Variants in TMEM200A observed in about 807,000 individuals in gnomAD.
TMEM200A encodes the protein two transmembrane C.
A neutral mutation model predicts 24.3 loss-of-function variants in TMEM200A; 12 were observed. The observed-to-expected ratio is 0.49, with a 90% CI of 0.32 to 0.80. TMEM200A has a LOEUF of 0.80. Among genes scored for constraint, TMEM200A ranks in the 30% least tolerant of loss-of-function variants. The probability of loss-of-function intolerance (pLI) is 0.04; values close to 1 mark genes in which losing one functional copy is unlikely to be tolerated. For missense variants in TMEM200A, 545 were observed against 614.4 expected, an observed-to-expected ratio of 0.89 and a Z score of 1.19; for synonymous variants, 224 against 224.4, an observed-to-expected ratio of 1.00 and a Z score of 0.02.
At chr6:130,367,201 A>G (rs1222086907) in intron 1 of TMEM200A, among the ~76,000 whole-genome samples, 1 of 152,192 alleles carries the variant, frequency 6.6e-6, no homozygotes, top group Non-Finnish European at 1.5e-5. Flanking sequence ...TCGGAGAGAA[A>G]GGCAGATGCA....
chr6:130,376,332 G>A (rs1222471984), intron 1 of TMEM200A, among the ~76,000 whole-genome samples: 1 of 152,154 alleles, frequency 6.6e-6, no homozygotes, highest in Non-Finnish European at 1.5e-5. Flanking sequence ...GTGCAGTGAT[G>A]TGATTTTGGC....
intron 2 of TMEM200A, among the ~76,000 whole-genome samples, chr6:130,403,249 C>T (rs574823029): frequency 6.6e-6 from 1 of 152,136 alleles, no homozygotes; most frequent in African/African-American, 2.4e-5. Context: ...TCATAAGAAG[C>T]CATTTTATAA....
intron 2 of TMEM200A, among the ~76,000 whole-genome samples, chr6:130,406,145 C>A (rs1447492460): frequency 6.6e-6 from 1 of 152,162 alleles, no homozygotes; most frequent in South Asian, 2.1e-4. Context: ...TTCCTCTTGG[C>A]TCCTTTCCGT....
At chr6:130,437,933 T>A (rs890148135) in intron 2 of TMEM200A, 2 of 152,288 alleles carry the variant, frequency 1.3e-5, no homozygotes, top group East Asian at 1.9e-4. Flanking sequence ...ACTAGAAATC[T>A]GTATGGAATG....
At chr6:130,408,747 G>T (rs1779264025) in intron 2 of TMEM200A, among the ~76,000 whole-genome samples, 1 of 152,158 alleles carries the variant, frequency 6.6e-6, no homozygotes, top group Non-Finnish European at 1.5e-5. Context: ...AGGCTTTCAA[G>T]TAGTAGAATG....
chr6:130,400,819 G>A (rs993744161), intron 2 of TMEM200A, among the ~76,000 whole-genome samples: 3 of 152,076 alleles, frequency 2.0e-5, no homozygotes, highest in African/African-American at 7.2e-5. Flanking sequence ...TTGACTGTCC[G>A]GGGCACAGAC....
intron 2 of TMEM200A, among the ~76,000 whole-genome samples, chr6:130,410,134 G>A (rs1779298781): frequency 6.6e-6 from 1 of 152,146 alleles, no homozygotes; most frequent in East Asian, 1.9e-4. Context: ...TTATCTCCTA[G>A]GTAGACTTTT....
intron 1 of TMEM200A, among the ~76,000 whole-genome samples, chr6:130,383,447 AAAG>A (rs1778647054): frequency 6.6e-6 from 1 of 152,196 alleles, no homozygotes; most frequent in African/African-American, 2.4e-5. Context: ...CCGTCTTAAT[AAAG>A]TTGAAGTTTG....
At position 130,398,290 on chromosome 6, in the gene TMEM200A, G is replaced by T. The variant is rs1246412682; in HGVS notation, c.-17+13054G>T. ...CCAGCTGCATCCATGTTATTGCAAAGGACATTATTTAATTTTTGTATGGCT... is the reference window on the plus strand; with the variant it reads ...CCAGCTGCATCCATGTTATTGCAAATGACATTATTTAATTTTTGTATGGCT... On this transcript the variant is annotated intron_variant, in intron 2 of 2. Coordinates refer to ENST00000296978, the MANE Select transcript of TMEM200A (RefSeq NM_001258277.2). 2.6e-5 allele frequency among the ~76,000 whole-genome samples: 4 copies of T among 152,150 alleles called. No individual in the cohort carries two copies. In the East Asian group the frequency reaches 5.8e-4, roughly 22 times the overall value.
At chr6:130,371,960 A>G (rs1778331133) in intron 1 of TMEM200A, among the ~76,000 whole-genome samples, 1 of 152,248 alleles carries the variant, frequency 6.6e-6, no homozygotes, top group African/African-American at 2.4e-5. Context: ...CGCCTTAGAT[A>G]CGTAAGCTCA....
At chr6:130,429,913 T>A (rs1196941876) in intron 2 of TMEM200A, among the ~76,000 whole-genome samples, 1 of 152,094 alleles carries the variant, frequency 6.6e-6, no homozygotes, top group Non-Finnish European at 1.5e-5. Context: ...GAAAACCAAA[T>A]GAGAAAACAT....
chr6:130,442,697 C>T lies in TMEM200A; in HGVS notation c.*799C>T, dbSNP rs1341326047. The T allele has an allele frequency of 6.0e-6, 1 of 166,780 alleles. No individual in the cohort carries two copies. The highest frequency in any genetic ancestry group is 1.5e-5 in the Non-Finnish European group (1 of 68,068). The allele number at this position is 166,780 out of a possible 1,614,324, so 10.3% of individuals were successfully genotyped here. On this transcript the variant is annotated 3_prime_UTR_variant, in exon 3 of 3. Coordinates refer to ENST00000296978, the MANE Select transcript of TMEM200A (RefSeq NM_001258277.2). ...CCTGAAATAATTATATACATGAAGACAATGTTGACTAATGAATTAAGATAC... is the reference window on the plus strand; with the variant it reads ...CCTGAAATAATTATATACATGAAGATAATGTTGACTAATGAATTAAGATAC...
intron 2 of TMEM200A, among the ~76,000 whole-genome samples, chr6:130,404,343 T>A (rs1779157576): frequency 6.6e-6 from 1 of 152,132 alleles, no homozygotes; most frequent in South Asian, 2.1e-4. Context: ...GCATCTGTTA[T>A]TTTTTGACTT....
chr6:130,413,409 G>A (rs968157844), intron 2 of TMEM200A, among the ~76,000 whole-genome samples: 6 of 152,180 alleles, frequency 3.9e-5, no homozygotes, highest in Non-Finnish European at 5.9e-5. Flanking sequence ...TTTCAGACTC[G>A]CATGCCCACT....
intron 2 of TMEM200A, among the ~76,000 whole-genome samples, chr6:130,428,814 A>G (rs1056058338): frequency 6.6e-6 from 1 of 152,178 alleles, no homozygotes; most frequent in African/African-American, 2.4e-5. Context: ...TGAACTGGAA[A>G]CTGTTTTTCT....
At chr6:130,388,997 A>T (rs1278566679) in intron 2 of TMEM200A, among the ~76,000 whole-genome samples, 1 of 152,212 alleles carries the variant, frequency 6.6e-6, no homozygotes, top group African/African-American at 2.4e-5. Context: ...TATAGAAAAT[A>T]TAAAATACAT....
At chr6:130,367,851 G>A (rs533291845) in intron 1 of TMEM200A, among the ~76,000 whole-genome samples, 1 of 152,282 alleles carries the variant, frequency 6.6e-6, no homozygotes, top group African/African-American at 2.4e-5. Flanking sequence ...CTACTAGATA[G>A]CTCATAATTA....
At chr6:130,386,770 C>A (rs750834598) in intron 2 of TMEM200A, among the ~76,000 whole-genome samples, 13 of 152,200 alleles carry the variant, frequency 8.5e-5, no homozygotes, top group Non-Finnish European at 8.8e-5. Flanking sequence ...CAGATAGGAG[C>A]TTGGAGCATT....
rs1778161507 is a variant in TMEM200A, at chr6:130,366,679, T to C, written c.-81+155T>C. 1.5e-6 allele frequency: 1 copy of C among 681,536 alleles called. No individual in the cohort carries two copies. Among genetic ancestry groups the C allele is most frequent in the African/African-American group, 1.9e-5 (1 of 51,404 alleles). 42.2% of individuals were successfully genotyped at this position (681,536 alleles called of 1,614,324 possible). ...GCTGTCTCTCCTAAAGTTTGGGAAA[T>C]AAACCAAGTCCGCCATCAGGTCCAG... On this transcript the variant is annotated intron_variant, in intron 1 of 2. Transcript: ENST00000296978. The surrounding 1 kb of genome is among the most constrained non-coding windows in gnomAD (Gnocchi z 4.4).
Sources: gnomAD v4.1 joint callset for allele counts (sites outside exome capture counted in the v4.1 genomes callset) on GRCh38, gnomAD v4.1.1 for gene constraint, Gnocchi (gnomAD v3.1) non-coding constraint, MANE v1.5 for transcripts, NCBI Gene and HGNC (gene_info 2026-07-23, HGNC 2026-07-21) for gene names.